STAU1: variants seen among roughly 807,000 people sequenced by gnomAD.
The protein encoded by STAU1 is staufen double-stranded RNA binding protein 1, also known as double-stranded RNA-binding protein Staufen homolog 1.
Under a neutral mutation model 62.9 loss-of-function variants are expected in STAU1, and 13 were observed. The observed-to-expected ratio is 0.21, with a 90% CI of 0.13 to 0.33. STAU1 has a LOEUF of 0.33. STAU1 is among the 10% of genes least tolerant of loss of function. The probability of loss-of-function intolerance (pLI) is 1.00; values close to 1 mark genes in which losing one functional copy is unlikely to be tolerated. For synonymous variants in STAU1, 269 were observed against 265.1 expected, an observed-to-expected ratio of 1.01 and a Z score of -0.14; for missense variants, 571 against 712.1, an observed-to-expected ratio of 0.80 and a Z score of 2.25.
the STAU1 span, among the ~76,000 whole-genome samples, chr20:49,209,263 A>G: frequency 6.6e-6 from 1 of 151,772 alleles, no homozygotes. Flanking sequence ...GAAAAAAAAA[A>G]AAAAGCCATG....
In STAU1 at chr20:49,137,659, C is replaced by A. The variant is rs147779177; in HGVS notation, c.511-1728G>T. ...CCTTATGTTTATCAGGTATATTCCA[C>A]CTACACTCAACTTTTTTTTTTTTGA... On this transcript the variant is annotated intron_variant, in intron 5 of 13. Coordinates refer to ENST00000371856, the MANE Select transcript of STAU1 (RefSeq NM_017453.4). 3.4e-3 allele frequency among the ~76,000 whole-genome samples: 512 copies of A among 151,902 alleles called. 3 individuals carry two copies. Among genetic ancestry groups the A allele is most frequent in the African/African-American group, 0.012 (487 of 41,460 alleles).
In STAU1 at chr20:49,181,766, C is replaced by CAAA. The variant is rs758956478; in HGVS notation, c.-160+6347_-160+6349dup. Among the ~76,000 whole-genome samples, 38 of 24,530 alleles carry CAAA rather than the reference C, an allele frequency of 1.5e-3. 1 individual carries two copies. Among genetic ancestry groups the CAAA allele is most frequent in the Non-Finnish European group, 1.9e-3 (27 of 14,038 alleles). The allele number at this position is 24,530 out of a possible 152,430, so 16.1% of individuals were successfully genotyped here. ...GGGCAACAGAGCAAGACTATCTCAA[C>CAAA]AAAAAAAAAAAAAAAAAAAAAAAAA... is the stretch of plus-strand genomic sequence containing the variant. On this transcript the variant is annotated intron_variant, in intron 1 of 13. Coordinates refer to ENST00000371856, the MANE Select transcript of STAU1 (RefSeq NM_017453.4).
At position 49,188,220 on chromosome 20, in the gene STAU1, G is replaced by A. The variant is rs1323233028; in HGVS notation, c.-264C>T. ...GGGAGAGGAAGAAGGGACGAAGGGA[G>A]GGAAGAGGCGGAGTGGCCGTGGAGG... On this transcript the variant is annotated 5_prime_UTR_variant, in exon 1 of 14. Coordinates refer to ENST00000371856, the MANE Select transcript of STAU1 (RefSeq NM_017453.4). The A allele has an allele frequency of 6.6e-6, 1 of 150,770 alleles. No individual in the cohort carries two copies. The highest frequency in any genetic ancestry group is 2.4e-5 in the African/African-American group (1 of 40,876). 9.3% of individuals were successfully genotyped at this position (150,770 alleles called of 1,614,324 possible). A position where few individuals can be genotyped will look rare whatever the true frequency, so the allele number is the denominator to read the frequency against.
At chr20:49,210,746 C>A in the STAU1 span, among the ~76,000 whole-genome samples, 1 of 152,146 alleles carries the variant, frequency 6.6e-6, no homozygotes, top group Non-Finnish European at 1.5e-5. Context: ...ACTTTTCTAT[C>A]ATCCCCCATA....
chr20:49,121,540 G>A (rs1032641102), intron 8 of STAU1, among the ~76,000 whole-genome samples: 1 of 152,162 alleles, frequency 6.6e-6, no homozygotes, highest in Non-Finnish European at 1.5e-5. Flanking sequence ...ACCATTATGT[G>A]CTGTCTGATT....
chr20:49,214,298 A>T, the STAU1 span, among the ~76,000 whole-genome samples: 1 of 152,060 alleles, frequency 6.6e-6, no homozygotes, highest in Non-Finnish European at 1.5e-5. Context: ...CAGGTGGATC[A>T]CCTGAGGTCA....
the STAU1 span, among the ~76,000 whole-genome samples, chr20:49,195,320 G>A: frequency 6.8e-6 from 1 of 146,256 alleles, no homozygotes; most frequent in African/African-American, 2.5e-5. Flanking sequence ...GGCGGATCAC[G>A]AAGTCAAGAC....
rs1484979680 is a variant in STAU1, at chr20:49,187,995, C to G, written c.-160+121G>C. On this transcript the variant is annotated intron_variant, in intron 1 of 13. Transcript: ENST00000371856. ...AGGCCCCGCGGGCTAGAGAGAGGCC[C>G]GGGAGAAGGCGGAGGGGTGCGCGGG... 5 of 151,492 alleles carry G rather than the reference C, an allele frequency of 3.3e-5. No homozygotes were observed. In the East Asian group the frequency reaches 9.7e-4, roughly 30 times the overall value. 9.4% of individuals were successfully genotyped at this position (151,492 alleles called of 1,614,324 possible).
At chr20:49,161,305 G>A (rs2093444799) in intron 3 of STAU1, among the ~76,000 whole-genome samples, 1 of 151,924 alleles carries the variant, frequency 6.6e-6, no homozygotes, top group Non-Finnish European at 1.5e-5. Context: ...CAGCCTAGGC[G>A]GCAAAGAAAG....
Position 49,117,673 on chromosome 20 carries a change from C to A in STAU1, c.1509+104G>T. On this transcript the variant is annotated intron_variant, in intron 11 of 13. Coordinates refer to ENST00000371856, the MANE Select transcript of STAU1 (RefSeq NM_017453.4). The surrounding 1 kb of genome is among the most constrained non-coding windows in gnomAD (Gnocchi z 4.6). ...CTCCCCAGCCCATCCCTGGACAGAA[C>A]TTGATTTAAGAAAAAAGTACAAAGT... 2 of 1,269,854 alleles carry A rather than the reference C, an allele frequency of 1.6e-6. No homozygotes were observed. Among genetic ancestry groups the A allele is most frequent in the Non-Finnish European group, 2.1e-6 (2 of 935,066 alleles). 78.7% of individuals were successfully genotyped at this position (1,269,854 alleles called of 1,614,324 possible).
intron 6 of STAU1, 129 bp from the exon 7 acceptor site, chr20:49,124,716 A>ATCCC: frequency 1.1e-6 from 1 of 892,160 alleles, no homozygotes; most frequent in Non-Finnish European, 1.8e-6. Flanking sequence ...AAATGAAAGG[A>ATCCC]AGCGGGGATC....
intron 6 of STAU1, among the ~76,000 whole-genome samples, chr20:49,133,679 C>G (rs2092804706): frequency 6.6e-6 from 1 of 152,196 alleles, no homozygotes; most frequent in Non-Finnish European, 1.5e-5. Flanking sequence ...TGAGAAGATT[C>G]CAGCCCTAGA....
the STAU1 span, among the ~76,000 whole-genome samples, chr20:49,202,334 G>T: frequency 2.0e-5 from 3 of 152,128 alleles, no homozygotes; most frequent in Non-Finnish European, 4.4e-5. Flanking sequence ...GGCCGAGCTG[G>T]GCAGATCTCT....
intron 3 of STAU1, among the ~76,000 whole-genome samples, chr20:49,164,090 C>G (rs566964699): frequency 9.9e-5 from 15 of 152,042 alleles, no homozygotes; most frequent in Admixed American, 9.2e-4. Flanking sequence ...AACAGCCGAG[C>G]GTAGTGGCAG....
chr20:49,190,102 A>G (rs1054854111), upstream of STAU1, among the ~76,000 whole-genome samples: 2 of 152,092 alleles, frequency 1.3e-5, no homozygotes, highest in African/African-American at 4.8e-5. Flanking sequence ...TCTAACTTCC[A>G]AGCAGTGTGG....
At chr20:49,134,906 A>C in intron 6 of STAU1, 2 of 1,591,732 alleles carry the variant, frequency 1.3e-6, no homozygotes, top group Non-Finnish European at 1.7e-6. Context: ...GACTGGACTG[A>C]GACTTTGTGA....
chr20:49,153,098 A>G lies in STAU1; in HGVS notation c.344+835T>C, dbSNP rs372657441. ...ACCCCGTCTCTACTAAAAATACAAA[A>G]AATTAGCCGGGTGTGGTGGCAGGCG... On this transcript the variant is annotated intron_variant, in intron 4 of 13. Coordinates refer to ENST00000371856, the MANE Select transcript of STAU1 (RefSeq NM_017453.4). Among the ~76,000 whole-genome samples, 15 of 151,812 alleles carry G rather than the reference A, an allele frequency of 9.9e-5. 1 individual carries two copies. The highest frequency in any genetic ancestry group is 8.3e-4 in the South Asian group (4 of 4,804).
the STAU1 span, among the ~76,000 whole-genome samples, chr20:49,193,755 T>A: frequency 6.6e-6 from 1 of 151,496 alleles, no homozygotes; most frequent in Non-Finnish European, 1.5e-5. Context: ...GATCACGAGG[T>A]CAGGAGATCA....
At chr20:49,201,645 C>A in the STAU1 span, among the ~76,000 whole-genome samples, 1 of 149,586 alleles carries the variant, frequency 6.7e-6, no homozygotes, top group East Asian at 2.0e-4. Context: ...AGGAGGCTGA[C>A]GCAGTAGAAT....
Sources: allele counts gnomAD v4.1 joint callset (sites outside exome capture counted in the v4.1 genomes callset), GRCh38; gene constraint gnomAD v4.1.1; non-coding constraint Gnocchi (gnomAD v3.1); transcripts MANE v1.5; gene names NCBI Gene and HGNC (gene_info 2026-07-23, HGNC 2026-07-21).